DNAH10: variants seen among roughly 807,000 people sequenced by gnomAD.
The protein encoded by DNAH10 is axonemal beta dynein heavy chain 10.
Under a neutral mutation model 506.6 loss-of-function variants are expected in DNAH10, and 348 were observed. That is an observed-to-expected ratio of 0.69 (90% CI 0.63 to 0.75). DNAH10 has a LOEUF of 0.75. DNAH10 is among the 30% of genes least tolerant of loss of function. The pLI is 0.00. For synonymous variants in DNAH10, 2,059 were observed against 2,198.6 expected, an observed-to-expected ratio of 0.94 and a Z score of 1.78; for missense variants, 5,179 against 5,787.1, an observed-to-expected ratio of 0.89 and a Z score of 3.41.
chr12:123,799,202 T>TGGACGCCG, intron 13 of DNAH10, 44 bp from the exon 14 acceptor site: 1 of 1,562,398 alleles, frequency 6.4e-7, no homozygotes, highest in Non-Finnish European at 8.7e-7. Flanking sequence ...ATGAAAAATG[T>TGGACGCCG]TATTTTCAAG....
chr12:123,869,114 G>A (rs369790259), intron 43 of DNAH10, among the ~76,000 whole-genome samples: 55 of 152,222 alleles, frequency 3.6e-4, no homozygotes, highest in African/African-American at 1.2e-3. Flanking sequence ...TACGCTTGAC[G>A]GTGATCTCTG....
At chr12:123,837,542 TATAA>T (rs949409264) in intron 28 of DNAH10, among the ~76,000 whole-genome samples, 5 of 151,684 alleles carry the variant, frequency 3.3e-5, no homozygotes, top group African/African-American at 9.7e-5. Flanking sequence ...TACAAATAGA[TATAA>T]ATAAATAAAT....
rs750792285 is a variant in DNAH10 at position 123,917,547 on chromosome 12, G to A, written c.11003-37G>A. On this transcript the variant is annotated intron_variant, in intron 63 of 78. Transcript: ENST00000673944. This position sits in a 1 kb window ranked among gnomAD's most constrained non-coding sequence, Gnocchi z 5.6. Reference sequence around the variant, plus strand: ...GCAGCGGGAGAGACTGTTGTTGGGGGCCGCAGGTGGTGAGGGCCTCTCACT... The same window carrying A: ...GCAGCGGGAGAGACTGTTGTTGGGGACCGCAGGTGGTGAGGGCCTCTCACT... 5 of 1,539,376 alleles carry A rather than the reference G, an allele frequency of 3.2e-6. No individual in the cohort carries two copies. Among genetic ancestry groups the A allele is most frequent in the South Asian group, 1.2e-5 (1 of 83,696 alleles).
chr12:123,796,810 T>C lies in DNAH10; in HGVS notation c.2141T>C (p.Leu714Pro), dbSNP rs924996639. ...CGATTTCAAGAGGTACAAGAGATAC[T>C]GGACAGTGATCGAGGACAGGAGGTA... ...ILRFQEVQEI[L>P]DSDRGQEVKQ... Residue 714 changes from leucine (L) to proline (P), a missense_variant, in exon 13 of 79, where the codon CTG (leucine) becomes CCG (proline). By Grantham distance (98) the Leu-to-Pro change is moderately conservative. Around this residue, in one of 3 missense-constraint regions of DNAH10, gnomAD observed 4,844 missense variants for 5,430.5 expected, o/e 0.89. Transcript: ENST00000673944. 1 of 1,611,794 alleles carries C rather than the reference T, an allele frequency of 6.2e-7. No homozygotes were observed. The highest frequency in any genetic ancestry group is 8.5e-7 in the Non-Finnish European group (1 of 1,179,422).
chr12:123,910,114 C>G (rs1332455587), intron 58 of DNAH10, among the ~76,000 whole-genome samples: 1 of 152,220 alleles, frequency 6.6e-6, no homozygotes, highest in African/African-American at 2.4e-5. Context: ...ACAAATGACC[C>G]CAACCACTAC....
In DNAH10 at chr12:123,877,889, G is replaced by C. The variant is rs746060990; in HGVS notation, c.8353G>C (p.Val2785Leu). The change falls in exon 48 of 79, where the codon GTC becomes CTC. Residue 2785 changes from valine (V) to leucine (L), a missense_variant. Physicochemically the swap from Val to Leu is conservative, Grantham distance 32 (BLOSUM62 1). Around this residue, in one of 3 missense-constraint regions of DNAH10, gnomAD observed 4,844 missense variants for 5,430.5 expected, o/e 0.89. Coordinates refer to ENST00000673944, the MANE Select transcript of DNAH10 (RefSeq NM_001372106.1). ...TCTCTCACGGGTTTTTAATGGTCTT[G>C]TCCTCACTAACCCGGAGCGGTGAGT... ...RDLSRVFNGL[V>L]LTNPERFQTV... 6.2e-7 allele frequency: 1 copy of C among 1,613,948 alleles called. No homozygotes were observed. The highest frequency in any genetic ancestry group is 1.1e-5 in the South Asian group (1 of 91,054).
intron 5 of DNAH10, among the ~76,000 whole-genome samples, chr12:123,779,600 T>TA (rs1957567027): frequency 1.2e-5 from 1 of 82,920 alleles, no homozygotes; most frequent in Admixed American, 1.4e-4. Flanking sequence ...GACCTGGGGG[T>TA]GGGGGAGAGA....
At position 123,830,546 on chromosome 12, in the gene DNAH10, G is replaced by T. The variant is rs1244531317; in HGVS notation, c.4392G>T (p.Arg1464Ser). ...GATTTGAATGCTGATGTGCTTTCAG[G>T]CATTGGAAAGAACTTATGGAAAAAA... The part of the protein sequence containing the change: ...LDLKNEALRD[R>S]HWKELMEKTS... The change falls in exon 26 of 79, where the codon AGG (arginine) becomes AGT (serine). Residue 1464 changes from arginine (R) to serine (S), a missense_variant and splice_region_variant. This residue lies in a region of DNAH10 where 4,844 missense variants were observed against 5,430.5 expected (regional missense o/e 0.89). Transcript: ENST00000673944. 7.4e-6 allele frequency: 12 copies of T among 1,612,256 alleles called. No homozygotes were observed. The Admixed American group carries it at 2.0e-4, about 27-fold the overall frequency.
chr12:123,913,134 C>A lies in DNAH10; in HGVS notation c.10171C>A (p.Arg3391=). ...RLERNFYLTK[R]ELERIQNELA... Reference sequence around the variant, plus strand: ...GGAGCGGAATTTTTACCTCACTAAACGGGAACTGGAAAGGATCCAGAATGA... The same window carrying A: ...GGAGCGGAATTTTTACCTCACTAAAAGGGAACTGGAAAGGATCCAGAATGA... The change falls in exon 60 of 79, where the codon CGG becomes AGG. Residue 3391 remains arginine, a synonymous_variant. Coordinates refer to ENST00000673944, the MANE Select transcript of DNAH10 (RefSeq NM_001372106.1). The surrounding 1 kb of genome is among the most constrained non-coding windows in gnomAD (Gnocchi z 5.1). 1.2e-6 allele frequency: 2 copies of A among 1,611,740 alleles called. No individual in the cohort carries two copies. The highest frequency in any genetic ancestry group is 1.1e-5 in the South Asian group (1 of 90,528).
rs1307930835 is a variant in DNAH10, at chr12:123,796,639, G to A, written c.1987-17G>A. The A allele has an allele frequency of 8.8e-6, 14 of 1,586,498 alleles. No individual in the cohort carries two copies. Among genetic ancestry groups the A allele is most frequent in the Non-Finnish European group, 1.1e-5 (13 of 1,165,312 alleles). ...GCGATGTTTATCACTTACAGAAGCT[G>A]TTTGATTGCTTTTCAGATTGACATC... On this transcript the variant is annotated splice_polypyrimidine_tract_variant and intron_variant, in intron 12 of 78. Coordinates refer to ENST00000673944, the MANE Select transcript of DNAH10 (RefSeq NM_001372106.1).
chr12:123,763,046 C>T (rs1247768877), intron 1 of DNAH10, among the ~76,000 whole-genome samples: 1 of 152,180 alleles, frequency 6.6e-6, no homozygotes, highest in Admixed American at 6.5e-5. Context: ...CAGCCTCTCA[C>T]GGAGGGTCCG....
rs570202050 is a variant in DNAH10, at chr12:123,833,010, G to A, written c.4546-104G>A. The A allele has an allele frequency of 4.3e-4, 345 of 798,166 alleles. 1 individual carries two copies. Among genetic ancestry groups the A allele is most frequent in the Non-Finnish European group, 6.5e-4 (318 of 485,496 alleles). 49.4% of individuals were successfully genotyped at this position (798,166 alleles called of 1,614,324 possible). ...TTTCAGGAAACAGACCCAGGACTCC[G>A]ATTGCATTGTTGGCCAAAAGCAAGC... On this transcript the variant is annotated intron_variant, in intron 26 of 78. Transcript: ENST00000673944.
At chr12:123,855,600 C>T (rs1400152194) in intron 36 of DNAH10, among the ~76,000 whole-genome samples, 1 of 149,326 alleles carries the variant, frequency 6.7e-6, no homozygotes, top group Non-Finnish European at 1.5e-5. Context: ...CACTATTACA[C>T]TCCAGCCTGG....
chr12:123,934,186 C>G (rs943837401), intron 77 of DNAH10: 3 of 700,164 alleles, frequency 4.3e-6, no homozygotes, highest in South Asian at 3.0e-5. Flanking sequence ...GGGTCCTCCT[C>G]CCCGGAGACC....
Position 123,910,619 on chromosome 12 carries a change from G to T in DNAH10, c.10081G>T (p.Ala3361Ser), listed in dbSNP as rs773743697. 6.2e-7 allele frequency: 1 copy of T among 1,612,140 alleles called. No homozygotes were observed. Among genetic ancestry groups the T allele is most frequent in the African/African-American group, 1.4e-5 (1 of 73,622 alleles). ...GCTGGGGATGCTGAAATTTGTTGAA[G>T]CTGTAATGGGCTACTGTGATGTTTT... ...AGLGMLKFVE[A>S]VMGYCDVFRE... The change falls in exon 59 of 79, where the codon GCT becomes TCT. Residue 3361 changes from alanine to serine, a missense_variant. Physicochemically the swap from Ala to Ser is moderately conservative, Grantham distance 99. This residue lies in a region of DNAH10 where 4,844 missense variants were observed against 5,430.5 expected (regional missense o/e 0.89). Transcript: ENST00000673944.
In DNAH10 at chr12:123,926,562, G is replaced by A. The variant is rs536587362; in HGVS notation, c.11922-75G>A. 3.3e-6 allele frequency: 5 copies of A among 1,511,462 alleles called. No homozygotes were observed. The highest frequency in any genetic ancestry group is 2.5e-5 in the South Asian group (2 of 79,518). The allele number at this position is 1,511,462 out of a possible 1,614,324, so 93.6% of individuals were successfully genotyped here. A position where few individuals can be genotyped will look rare whatever the true frequency, so the allele number is the denominator to read the frequency against. ...GGTTCTGGACACCGGAGGAGGCAGC[G>A]CTGATCAGACAGACCAGCCCCTGGT... On this transcript the variant is annotated intron_variant, in intron 68 of 78. Transcript: ENST00000673944. This position sits in a 1 kb window ranked among gnomAD's most constrained non-coding sequence, Gnocchi z 4.1.
At chr12:123,820,853 A>G in intron 24 of DNAH10, 95 bp downstream of exon 24, 1 of 1,394,016 alleles carries the variant, frequency 7.2e-7, no homozygotes, top group Non-Finnish European at 9.9e-7. Context: ...CATAATAATG[A>G]GCTTGGGTCT....
At chr12:123,932,434 T>C (rs1008340105) in intron 76 of DNAH10, among the ~76,000 whole-genome samples, 2 of 151,972 alleles carry the variant, frequency 1.3e-5, no homozygotes, top group African/African-American at 4.8e-5. Context: ...TTCTCCTCCT[T>C]CTGTATCCTA....
At chr12:123,836,999 C>T (rs1323033727) in intron 28 of DNAH10, among the ~76,000 whole-genome samples, 1 of 151,618 alleles carries the variant, frequency 6.6e-6, no homozygotes, top group Non-Finnish European at 1.5e-5. Flanking sequence ...CTACAGGTGC[C>T]CAACACCACG....
Sources: allele counts gnomAD v4.1 joint callset (sites outside exome capture counted in the v4.1 genomes callset), GRCh38; gene constraint gnomAD v4.1.1; regional missense constraint gnomAD v4.1.1; non-coding constraint Gnocchi (gnomAD v3.1); transcripts MANE v1.5; gene names NCBI Gene and HGNC (gene_info 2026-07-23, HGNC 2026-07-21).